Variants in PARL observed in about 807,000 individuals in gnomAD.
PARL encodes the protein presenilin-associated rhomboid-like protein, mitochondrial.
In PARL, 44 loss-of-function variants were observed where a neutral mutation model predicts 51.6. The ratio of observed to expected loss-of-function variants is 0.85; its 90% CI spans 0.67 to 1.10. The LOEUF is 1.10. Ranked by LOEUF, PARL falls within the 50% of genes least tolerant of loss-of-function variation. The pLI, the probability that PARL is intolerant of heterozygous loss-of-function variation, is 0.00. For synonymous variants in PARL, 172 were observed against 164.0 expected, an observed-to-expected ratio of 1.05 and a Z score of -0.37; for missense variants, 441 against 469.5, an observed-to-expected ratio of 0.94 and a Z score of 0.56.
chr3:183,864,727 G>C (rs1165706468), intron 3 of PARL, among the ~76,000 whole-genome samples: 3 of 151,212 alleles, frequency 2.0e-5, no homozygotes, highest in African/African-American at 7.3e-5. Context: ...AGTGAGCAGA[G>C]ATCGCGCCAC....
At chr3:183,872,760 A>G (rs1268157444) in intron 1 of PARL, among the ~76,000 whole-genome samples, 2 of 152,202 alleles carry the variant, frequency 1.3e-5, no homozygotes, top group African/African-American at 4.8e-5. Context: ...GCCCCTTGGA[A>G]AGGTTTTGCT....
chr3:183,842,209 G>A, intron 6 of PARL, 89 bp downstream of exon 6: 3 of 1,235,516 alleles, frequency 2.4e-6, no homozygotes, highest in African/African-American at 1.5e-5. Context: ...ACTACGTGTA[G>A]AATATGGCAG....
At chr3:183,878,821 G>A (rs762121468) in intron 1 of PARL, among the ~76,000 whole-genome samples, 25 of 152,182 alleles carry the variant, frequency 1.6e-4, no homozygotes, top group Non-Finnish European at 3.1e-4. Context: ...GAGTGGATTT[G>A]AGTCTCCAAC....
At chr3:183,866,535 TC>T in intron 3 of PARL, 89 bp downstream of exon 3, 4 of 993,522 alleles carry the variant, frequency 4.0e-6, no homozygotes, top group Non-Finnish European at 6.4e-6. Context: ...TGTGAATGCA[TC>T]ATGTACACTG....
At chr3:183,866,061 G>A (rs1732440292) in intron 3 of PARL, among the ~76,000 whole-genome samples, 1 of 151,956 alleles carries the variant, frequency 6.6e-6, no homozygotes, top group South Asian at 2.1e-4. Context: ...TGTATTTTCA[G>A]TAGAGATGGG....
chr3:183,858,100 G>GT (rs1177054977), intron 4 of PARL, among the ~76,000 whole-genome samples: 2 of 152,120 alleles, frequency 1.3e-5, no homozygotes, highest in Non-Finnish European at 2.9e-5. Flanking sequence ...TTGAAGTGTG[G>GT]TTGGCACTCA....
At chr3:183,868,212 C>T in intron 1 of PARL, 152 bp from the exon 2 acceptor site, 1 of 658,434 alleles carries the variant, frequency 1.5e-6, no homozygotes, top group Non-Finnish European at 2.7e-6. Flanking sequence ...AGACAGAATT[C>T]AAAGCCACAA....
chr3:183,855,136 T>C (rs924624523), intron 4 of PARL, among the ~76,000 whole-genome samples: 1 of 151,312 alleles, frequency 6.6e-6, no homozygotes, highest in African/African-American at 2.4e-5. Context: ...TGCCTAAGGC[T>C]GAGGGGAAGG....
chr3:183,875,893 C>A lies in PARL; in HGVS notation c.126-7833G>T, dbSNP rs115513553. ...CATTAGGCACTAATGCTGTTGGTGA[C>A]TAAGTTGAAGCCAATGCTCATTTAC... On this transcript the variant is annotated intron_variant, in intron 1 of 9. Transcript: ENST00000317096. Among the ~76,000 whole-genome samples the A allele has an allele frequency of 8.9e-3, 1,353 of 152,240 alleles. 10 individuals are homozygous for A. Among genetic ancestry groups the A allele is most frequent in the Middle Eastern group, 0.048 (14 of 292 alleles).
Position 183,842,443 on chromosome 3 carries a change from G to A in PARL, c.612C>T (p.Val204=), listed in dbSNP as rs746608215. The part of the protein sequence containing the change: ...RYFTSNPASK[V]LCSPMLLSTF... The stretch of plus-strand genomic sequence containing the variant: ...TTGACAGCAACATTGGAGAACAAAG[G>A]ACCTCTACAAGAGAGAGAAACATAG... Residue 204 remains valine, a synonymous_variant, in exon 6 of 10, where the codon GTC becomes GTT. Transcript: ENST00000317096. 1 of 1,612,124 alleles carries A rather than the reference G, an allele frequency of 6.2e-7. No homozygotes were observed. Among genetic ancestry groups the A allele is most frequent in the South Asian group, 1.1e-5 (1 of 91,010 alleles).
intron 1 of PARL, among the ~76,000 whole-genome samples, chr3:183,880,709 A>T (rs1734341937): frequency 6.6e-6 from 1 of 151,444 alleles, no homozygotes; most frequent in South Asian, 2.1e-4. Context: ...GCCAGCTCAG[A>T]CTTTTTTTTT....
intron 5 of PARL, chr3:183,843,374 G>A (rs1729566299): frequency 1.3e-6 from 1 of 754,688 alleles, no homozygotes; most frequent in Non-Finnish European, 1.6e-6. Context: ...AAAATTAGCT[G>A]GGCATGGTGG....
intron 1 of PARL, among the ~76,000 whole-genome samples, chr3:183,868,338 A>G (rs1388167630): frequency 1.3e-5 from 2 of 152,188 alleles, no homozygotes; most frequent in Non-Finnish European, 2.9e-5. Flanking sequence ...CTCCACACAG[A>G]AAGAATCTGA....
chr3:183,882,922 T>C (rs917775644), intron 1 of PARL, among the ~76,000 whole-genome samples: 2 of 152,258 alleles, frequency 1.3e-5, no homozygotes, highest in East Asian at 3.9e-4. Flanking sequence ...GAAGTCAACA[T>C]ATAGCTAATA....
intron 7 of PARL, among the ~76,000 whole-genome samples, chr3:183,836,161 G>A (rs997806262): frequency 1.1e-4 from 16 of 143,044 alleles, no homozygotes; most frequent in African/African-American, 3.7e-4. Flanking sequence ...AGGTTGTAGC[G>A]AGCCGAGATC....
chr3:183,831,977 C>T (rs1240702227), intron 9 of PARL, among the ~76,000 whole-genome samples: 1 of 152,124 alleles, frequency 6.6e-6, no homozygotes, highest in Non-Finnish European at 1.5e-5. Flanking sequence ...TAAAAATCTA[C>T]TGGGGAGAAG....
chr3:183,865,348 T>C (rs1320989769), intron 3 of PARL, among the ~76,000 whole-genome samples: 2 of 152,224 alleles, frequency 1.3e-5, no homozygotes, highest in East Asian at 1.9e-4. Flanking sequence ...CCCTAAGGCA[T>C]GTATATTTTG....
rs781133953 is a variant in PARL at position 183,867,966 on chromosome 3, A to G, written c.220T>C (p.Tyr74His). ...RSDPGTSGEAYKRSALIPPVE... is the reference protein window; with the variant it reads ...RSDPGTSGEAHKRSALIPPVE... ...GGAGGAATCAAAGCACTTCTCTTGT[A>G]TGCTTCACCACTTGTCCCTGGGTCT... is the stretch of plus-strand genomic sequence containing the variant. The change falls in exon 2 of 10, where the codon TAC becomes CAC. Residue 74 changes from tyrosine (Y) to histidine (H), a missense_variant. Transcript: ENST00000317096. 3 of 1,613,736 alleles carry G rather than the reference A, an allele frequency of 1.9e-6. No individual in the cohort carries two copies. The highest frequency in any genetic ancestry group is 3.3e-5 in the Admixed American group (2 of 60,010).
chr3:183,877,059 A>G (rs1426141949), intron 1 of PARL, among the ~76,000 whole-genome samples: 1 of 152,164 alleles, frequency 6.6e-6, no homozygotes, highest in Admixed American at 6.5e-5. Flanking sequence ...TAAAAATTCA[A>G]AAAAATTAAC....
Sources: allele counts gnomAD v4.1 joint callset (sites outside exome capture counted in the v4.1 genomes callset), GRCh38; gene constraint gnomAD v4.1.1; transcripts MANE v1.5; gene names NCBI Gene and HGNC (gene_info 2026-07-23, HGNC 2026-07-21).